Variants in TBC1D19 observed in about 807,000 individuals in gnomAD.
TBC1D19 encodes TBC1 domain family member 19.
TBC1D19 carries 60 observed loss-of-function variants against 89.0 expected under a neutral mutation model. The observed-to-expected ratio is 0.67, with a 90% CI of 0.55 to 0.84. The LOEUF (loss-of-function observed/expected upper bound fraction) is 0.84. Among genes scored for constraint, TBC1D19 ranks in the 40% least tolerant of loss-of-function variants. The pLI, the probability that TBC1D19 is intolerant of heterozygous loss-of-function variation, is 0.00. For missense variants in TBC1D19, 500 were observed against 610.8 expected (o/e 0.82, Z 1.91); for synonymous variants, 189 against 199.7 (o/e 0.95, Z 0.45).
At chr4:26,838,772 G>A in the TBC1D19 span, among the ~76,000 whole-genome samples, 2 of 152,212 alleles carry the variant, frequency 1.3e-5, no homozygotes, top group African/African-American at 4.8e-5. Flanking sequence ...AAATCAAAGA[G>A]CATTTCCAGT....
chr4:26,711,502 T>C (rs898836240), intron 13 of TBC1D19, among the ~76,000 whole-genome samples: 3 of 152,076 alleles, frequency 2.0e-5, no homozygotes, highest in African/African-American at 7.2e-5. Context: ...CTCAGAAACA[T>C]TTACCATAAA....
chr4:26,752,178 G>C (rs1439341959), intron 19 of TBC1D19, among the ~76,000 whole-genome samples: 1 of 151,238 alleles, frequency 6.6e-6, no homozygotes, highest in African/African-American at 2.4e-5. Context: ...AAAAATATAT[G>C]TGTTTGCATT....
At chr4:26,801,573 T>C in the TBC1D19 span, among the ~76,000 whole-genome samples, 288 of 152,290 alleles carry the variant, frequency 1.9e-3, no homozygotes, top group African/African-American at 6.6e-3. Context: ...ATGGGGATGG[T>C]ATTGAATCTA....
chr4:26,662,678 T>C lies in TBC1D19; in HGVS notation c.591+2971T>C, dbSNP rs1745288514. Among the ~76,000 whole-genome samples, 2 of 152,090 alleles carry C rather than the reference T, an allele frequency of 1.3e-5. 1 individual carries two copies. The highest frequency in any genetic ancestry group is 4.1e-4 in the South Asian group (2 of 4,824). ...AAAGAAAAGCAGAGTATATACAGTG[T>C]CAGGAATCAGTGTGGCATCTTACTC... On this transcript the variant is annotated intron_variant, in intron 8 of 20. Coordinates refer to ENST00000264866, the MANE Select transcript of TBC1D19 (RefSeq NM_018317.4).
At chr4:26,699,157 A>G (rs1390200177) in intron 13 of TBC1D19, among the ~76,000 whole-genome samples, 1 of 152,236 alleles carries the variant, frequency 6.6e-6, no homozygotes, top group African/African-American at 2.4e-5. Context: ...GAACTCAAAC[A>G]AACTTACAAG....
the TBC1D19 span, among the ~76,000 whole-genome samples, chr4:26,776,907 A>G: frequency 6.6e-6 from 1 of 152,052 alleles, no homozygotes; most frequent in Non-Finnish European, 1.5e-5. Context: ...TAACTAATAT[A>G]TATCTTTCTG....
intron 2 of TBC1D19, among the ~76,000 whole-genome samples, chr4:26,613,677 A>G (rs1289614498): frequency 1.3e-5 from 2 of 152,176 alleles, no homozygotes; most frequent in Non-Finnish European, 2.9e-5. Flanking sequence ...CCTTTGCATT[A>G]GTTGGTTTTA....
the TBC1D19 span, among the ~76,000 whole-genome samples, chr4:26,807,968 G>A: frequency 2.0e-5 from 3 of 152,188 alleles, no homozygotes; most frequent in African/African-American, 7.2e-5. Flanking sequence ...GGAATGAAGC[G>A]AGGTTACCTA....
chr4:26,856,863 C>T, the TBC1D19 span, among the ~76,000 whole-genome samples: 1 of 152,238 alleles, frequency 6.6e-6, no homozygotes, highest in African/African-American at 2.4e-5. Flanking sequence ...ACTCACCCCA[C>T]ACGCCCTCTG....
chr4:26,742,650 C>CT (rs748079106), intron 18 of TBC1D19, 51 bp downstream of exon 18: 10 of 1,484,174 alleles, frequency 6.7e-6, no homozygotes, highest in African/African-American at 1.4e-5. Flanking sequence ...ACAGAAAGCT[C>CT]TTTTTTCCTC....
At chr4:26,851,304 C>CCTCTCTATCTATCTATCTGT in the TBC1D19 span, among the ~76,000 whole-genome samples, 281 of 147,082 alleles carry the variant, frequency 1.9e-3, 1 homozygote, top group African/African-American at 6.8e-3. Flanking sequence ...TAATAAATAC[C>CCTCTCTATCTATCTATCTGT]CTATCTATCT....
At chr4:26,741,339 G>A (rs1183540929) in intron 17 of TBC1D19, among the ~76,000 whole-genome samples, 1 of 142,614 alleles carries the variant, frequency 7.0e-6, no homozygotes, top group East Asian at 2.0e-4. Flanking sequence ...GTCCGGCCTG[G>A]GCGACAGAGC....
chr4:26,801,607 C>T, the TBC1D19 span, among the ~76,000 whole-genome samples: 1 of 152,132 alleles, frequency 6.6e-6, no homozygotes, highest in Non-Finnish European at 1.5e-5. Context: ...GCAGTATGGC[C>T]ATTTTCACAA....
chr4:26,791,963 G>C, the TBC1D19 span, among the ~76,000 whole-genome samples: 1 of 152,184 alleles, frequency 6.6e-6, no homozygotes, highest in Non-Finnish European at 1.5e-5. Context: ...TAAGATCACA[G>C]ATCAGAGCAT....
rs531168337 is a variant in TBC1D19, at chr4:26,703,872, A to G, written c.955-14061A>G. On this transcript the variant is annotated intron_variant, in intron 13 of 20. Coordinates refer to ENST00000264866, the MANE Select transcript of TBC1D19 (RefSeq NM_018317.4). ...GCTACTCGGGAGGCTGAGGCAGGAG[A>G]ATGGCGTGAACCAGGGAGGTGGAGT... Among the ~76,000 whole-genome samples, 12 of 149,734 alleles carry G rather than the reference A, an allele frequency of 8.0e-5. No homozygotes were observed. In the South Asian group the frequency reaches 2.5e-3, roughly 32 times the overall value.
At chr4:26,850,328 C>T in the TBC1D19 span, among the ~76,000 whole-genome samples, 2 of 151,530 alleles carry the variant, frequency 1.3e-5, no homozygotes, top group Admixed American at 6.6e-5. Flanking sequence ...GCAGGTGGAT[C>T]GCTTGAGCCC....
At chr4:26,847,945 T>C in the TBC1D19 span, among the ~76,000 whole-genome samples, 3 of 152,142 alleles carry the variant, frequency 2.0e-5, no homozygotes, top group Non-Finnish European at 2.9e-5. Flanking sequence ...AGGAGCATGG[T>C]TTTTGAGCAT....
intron 1 of TBC1D19, among the ~76,000 whole-genome samples, chr4:26,611,134 C>T (rs189150533): frequency 1.3e-5 from 2 of 152,136 alleles, no homozygotes; most frequent in Admixed American, 1.3e-4. Flanking sequence ...TTAATTGAAG[C>T]CATTCTGACT....
intron 20 of TBC1D19, chr4:26,754,143 T>C (rs1414258996): frequency 1.0e-5 from 4 of 383,774 alleles, no homozygotes; most frequent in African/African-American, 6.0e-5. Context: ...GGAAACCAGA[T>C]ACCTGGTAAT....
Sources: allele counts gnomAD v4.1 joint callset (sites outside exome capture counted in the v4.1 genomes callset), GRCh38; gene constraint gnomAD v4.1.1; transcripts MANE v1.5; gene names NCBI Gene and HGNC (gene_info 2026-07-23, HGNC 2026-07-21).